The following DPP10 variants were observed in gnomAD, a reference collection of about 807,000 sequenced individuals.
The protein encoded by DPP10 is dipeptidyl peptidase like 10.
In DPP10, 33 loss-of-function variants were observed where a neutral mutation model predicts 120.9. The observed-to-expected ratio is 0.27, with a 90% CI of 0.21 to 0.37. The LOEUF (loss-of-function observed/expected upper bound fraction) is 0.37, where lower values mean the gene tolerates loss of function less well. Ranked by LOEUF, DPP10 falls within the 10% of genes least tolerant of loss-of-function variation. The probability of loss-of-function intolerance (pLI) is 1.00; values close to 1 mark genes in which losing one functional copy is unlikely to be tolerated. For missense variants in DPP10, 816 were observed against 942.8 expected, an observed-to-expected ratio of 0.87 and a Z score of 1.76; for synonymous variants, 337 against 326.1, an observed-to-expected ratio of 1.03 and a Z score of -0.36.
intron 1 of DPP10, among the ~76,000 whole-genome samples, chr2:114,878,932 A>G (rs1691379879): frequency 6.6e-6 from 1 of 152,128 alleles, no homozygotes; most frequent in South Asian, 2.1e-4. Flanking sequence ...AAGACAAAAT[A>G]TACTTGGCCC....
intron 7 of DPP10, among the ~76,000 whole-genome samples, chr2:115,692,761 ATAAT>A (rs1481630606): frequency 6.6e-6 from 1 of 152,130 alleles, no homozygotes; most frequent in Non-Finnish European, 1.5e-5. Flanking sequence ...TATCATTGTG[ATAAT>A]TATTTTGGAA....
At chr2:115,616,238 T>G (rs1396771906) in intron 5 of DPP10, among the ~76,000 whole-genome samples, 2 of 152,130 alleles carry the variant, frequency 1.3e-5, no homozygotes, top group African/African-American at 4.8e-5. Flanking sequence ...TAAATAAATA[T>G]TCACTGAATG....
intron 1 of DPP10, among the ~76,000 whole-genome samples, chr2:114,658,813 T>C (rs796855202): frequency 9.2e-5 from 14 of 152,302 alleles, no homozygotes; most frequent in African/African-American, 3.1e-4. Flanking sequence ...GAGCATACAC[T>C]GATTGATGTC....
chr2:115,150,690 A>C (rs1367158084), intron 1 of DPP10, among the ~76,000 whole-genome samples: 1 of 152,180 alleles, frequency 6.6e-6, no homozygotes. Flanking sequence ...ATGTCTCTCC[A>C]GTTCTGGAAT....
At chr2:114,511,312 G>A (rs2104580986) in intron 1 of DPP10, among the ~76,000 whole-genome samples, 1 of 152,300 alleles carries the variant, frequency 6.6e-6, no homozygotes, top group East Asian at 1.9e-4. Flanking sequence ...GAAAGTATTA[G>A]CAGGAATTCA....
intron 3 of DPP10, among the ~76,000 whole-genome samples, chr2:115,485,996 A>T (rs1218431640): frequency 6.6e-6 from 1 of 152,142 alleles, no homozygotes; most frequent in Non-Finnish European, 1.5e-5. Flanking sequence ...ATAAAGTCTG[A>T]TCTAAACCTT....
intron 1 of DPP10, among the ~76,000 whole-genome samples, chr2:114,648,289 G>A (rs1696291762): frequency 6.6e-6 from 1 of 152,150 alleles, no homozygotes; most frequent in South Asian, 2.1e-4. Context: ...CATGTCTTCT[G>A]AGATCATCTA....
chr2:114,878,352 A>C (rs1691323483), intron 1 of DPP10, among the ~76,000 whole-genome samples: 1 of 152,120 alleles, frequency 6.6e-6, no homozygotes, highest in Non-Finnish European at 1.5e-5. Context: ...ATTCTGATAC[A>C]TGCATACAAA....
At chr2:115,104,421 G>A (rs1334748960) in intron 1 of DPP10, among the ~76,000 whole-genome samples, 1 of 152,002 alleles carries the variant, frequency 6.6e-6, no homozygotes, top group African/African-American at 2.4e-5. Flanking sequence ...TGAAAATTCT[G>A]AGTTCTAGAG....
At chr2:114,819,632 G>A (rs1436632757) in intron 1 of DPP10, among the ~76,000 whole-genome samples, 7 of 152,194 alleles carry the variant, frequency 4.6e-5, no homozygotes, top group Non-Finnish European at 8.8e-5. Context: ...GGCAAACCTT[G>A]CAAAAGCTCA....
intron 1 of DPP10, among the ~76,000 whole-genome samples, chr2:114,641,556 T>G (rs1695708010): frequency 6.6e-6 from 1 of 152,028 alleles, no homozygotes; most frequent in Admixed American, 6.5e-5. Flanking sequence ...TAAAATGATC[T>G]CACAGTCTTG....
chr2:114,543,164 A>G (rs1323030523), intron 1 of DPP10, among the ~76,000 whole-genome samples: 1 of 152,196 alleles, frequency 6.6e-6, no homozygotes, highest in African/African-American at 2.4e-5. Context: ...CACTTGTTAC[A>G]AAGTTTTCAT....
At chr2:115,502,640 A>G (rs142620033) in intron 4 of DPP10, among the ~76,000 whole-genome samples, 16 of 152,248 alleles carry the variant, frequency 1.1e-4, no homozygotes, top group Non-Finnish European at 2.2e-4. Context: ...GGGGTTGTAA[A>G]CATAAGTCCA....
chr2:115,602,730 C>T (rs1193848945), intron 5 of DPP10, among the ~76,000 whole-genome samples: 1 of 152,104 alleles, frequency 6.6e-6, no homozygotes. Flanking sequence ...TGGGGATACA[C>T]AGACCACGGG....
intron 8 of DPP10, among the ~76,000 whole-genome samples, chr2:115,734,287 A>C (rs1405280388): frequency 6.6e-6 from 1 of 152,154 alleles, no homozygotes. Context: ...CTACGACAGA[A>C]CCTGTTTCTT....
At chr2:114,868,558 A>T (rs189370983) in intron 1 of DPP10, among the ~76,000 whole-genome samples, 1 of 152,290 alleles carries the variant, frequency 6.6e-6, no homozygotes, top group African/African-American at 2.4e-5. Context: ...AGAGACAAGG[A>T]ATACATATAC....
At chr2:114,853,880 C>A (rs974822071) in intron 1 of DPP10, among the ~76,000 whole-genome samples, 1 of 152,106 alleles carries the variant, frequency 6.6e-6, no homozygotes, top group South Asian at 2.1e-4. Context: ...ACTGAGCTTG[C>A]GAGCAGATTT....
chr2:114,926,067 T>A (rs989636834), intron 1 of DPP10, among the ~76,000 whole-genome samples: 1 of 152,182 alleles, frequency 6.6e-6, no homozygotes, highest in Admixed American at 6.5e-5. Context: ...ATAATAGAGA[T>A]ATACACAGAC....
intron 1 of DPP10, among the ~76,000 whole-genome samples, chr2:115,174,364 T>C (rs2053560811): frequency 6.6e-6 from 1 of 152,188 alleles, no homozygotes; most frequent in Non-Finnish European, 1.5e-5. Flanking sequence ...ATCAAGATGG[T>C]AAAGTTGGTT....
Sources: allele counts gnomAD v4.1 joint callset (sites outside exome capture counted in the v4.1 genomes callset), GRCh38; gene constraint gnomAD v4.1.1; transcripts MANE v1.5; gene names NCBI Gene and HGNC (gene_info 2026-07-23, HGNC 2026-07-21).